POU3F3: variants seen among roughly 807,000 people sequenced by gnomAD.
POU3F3 encodes POU class 3 homeobox 3, also known as POU domain, class 3, transcription factor 3.
In POU3F3, 1 loss-of-function variant was observed where a neutral mutation model predicts 8.6. The observed-to-expected ratio is 0.12, with a 90% CI of 0.04 to 0.55. The LOEUF (loss-of-function observed/expected upper bound fraction) is 0.55, where lower values mean the gene tolerates loss of function less well. Among genes scored for constraint, POU3F3 ranks in the 20% least tolerant of loss-of-function variants. The pLI is 0.91. For missense variants in POU3F3, 577 were observed against 690.7 expected (o/e 0.84, Z 1.84); for synonymous variants, 418 against 327.4 (o/e 1.28, Z -2.99).
At chr2:104,925,758 C>T in the POU3F3 span, among the ~76,000 whole-genome samples, 29 of 152,320 alleles carry the variant, frequency 1.9e-4, no homozygotes, top group African/African-American at 7.0e-4. Context: ...TCTGGCTGAA[C>T]TTTCACTCTG....
the POU3F3 span, among the ~76,000 whole-genome samples, chr2:104,922,407 A>G: frequency 1.3e-5 from 2 of 151,398 alleles, no homozygotes; most frequent in Non-Finnish European, 1.5e-5. Context: ...AAAAAAAAAA[A>G]AAAAAGAAAG....
the POU3F3 span, among the ~76,000 whole-genome samples, chr2:104,889,083 C>A: frequency 2.1e-4 from 32 of 152,326 alleles, no homozygotes; most frequent in South Asian, 1.4e-3. Context: ...GCTGTAATAA[C>A]AATGAGAACC....
chr2:104,907,727 AT>A, the POU3F3 span, among the ~76,000 whole-genome samples: 1 of 152,174 alleles, frequency 6.6e-6, no homozygotes, highest in South Asian at 2.1e-4. Context: ...AGTAATAAAA[AT>A]TTTGCCTCCT....
the POU3F3 span, among the ~76,000 whole-genome samples, chr2:104,922,451 G>A: frequency 1.1e-4 from 16 of 148,650 alleles, no homozygotes; most frequent in South Asian, 6.4e-4. Flanking sequence ...AATGATGTAT[G>A]AGCATGATGA....
chr2:104,867,221 A>T, the POU3F3 span: 9 of 152,124 alleles, frequency 5.9e-5, no homozygotes, highest in Non-Finnish European at 1.3e-4. The surrounding 1 kb of genome is among the most constrained non-coding windows in gnomAD (Gnocchi z 5.0). Context: ...CACGGAGGGG[A>T]GATTGTAACC....
chr2:104,894,770 A>G, the POU3F3 span, among the ~76,000 whole-genome samples: 1 of 152,168 alleles, frequency 6.6e-6, no homozygotes, highest in African/African-American at 2.4e-5. Context: ...CGACCCTACA[A>G]TGTAGACATG....
chr2:104,902,410 G>A, the POU3F3 span, among the ~76,000 whole-genome samples: 612 of 152,190 alleles, frequency 4.0e-3, 6 homozygotes, highest in African/African-American at 0.014. Flanking sequence ...CCCGAGACTC[G>A]GGGGAATCAC....
chr2:104,862,114 A>G (rs1447892479), downstream of POU3F3, among the ~76,000 whole-genome samples: 1 of 152,152 alleles, frequency 6.6e-6, no homozygotes, highest in East Asian at 1.9e-4. Flanking sequence ...TTGATTTCAC[A>G]TCCGTGTTTG....
At chr2:104,890,521 TAAGAG>T in the POU3F3 span, among the ~76,000 whole-genome samples, 1 of 152,008 alleles carries the variant, frequency 6.6e-6, no homozygotes, top group South Asian at 2.1e-4. Context: ...CTGCTTCTGA[TAAGAG>T]AGGGGAAGTG....
chr2:104,894,560 G>A, the POU3F3 span, among the ~76,000 whole-genome samples: 1 of 152,176 alleles, frequency 6.6e-6, no homozygotes, highest in Non-Finnish European at 1.5e-5. Context: ...ACCATGGGGT[G>A]AGGAAAGGGG....
chr2:104,905,235 T>A, the POU3F3 span, among the ~76,000 whole-genome samples: 1 of 152,194 alleles, frequency 6.6e-6, no homozygotes, highest in Admixed American at 6.5e-5. Flanking sequence ...TACTACCTAT[T>A]TTCCTTCTTT....
At chr2:104,909,920 A>G in the POU3F3 span, among the ~76,000 whole-genome samples, 3 of 152,188 alleles carry the variant, frequency 2.0e-5, no homozygotes, top group East Asian at 5.8e-4. Context: ...ATTTTCCCTG[A>G]AAATCTATTT....
chr2:104,862,158 C>A (rs1676666712), downstream of POU3F3, among the ~76,000 whole-genome samples: 1 of 152,198 alleles, frequency 6.6e-6, no homozygotes, highest in African/African-American at 2.4e-5. Context: ...GCGAGCTTGG[C>A]GAGCAGGAGC....
the POU3F3 span, among the ~76,000 whole-genome samples, chr2:104,881,698 ATAATCTTGAT>A: frequency 6.6e-6 from 1 of 152,248 alleles, no homozygotes; most frequent in Non-Finnish European, 1.5e-5. Context: ...ATTCAGGAAA[ATAATCTTGAT>A]TAAAGTTTTA....
the POU3F3 span, among the ~76,000 whole-genome samples, chr2:104,868,890 A>ATG: frequency 1.3e-5 from 2 of 152,200 alleles, no homozygotes; most frequent in Non-Finnish European, 2.9e-5. Flanking sequence ...AAGATTTTCT[A>ATG]TGTGTGTGTG....
chr2:104,918,083 G>T, the POU3F3 span, among the ~76,000 whole-genome samples: 6 of 152,166 alleles, frequency 3.9e-5, no homozygotes, highest in African/African-American at 1.4e-4. Flanking sequence ...TTCTGCTATG[G>T]CTTGTTCCTT....
chr2:104,909,159 T>A, the POU3F3 span, among the ~76,000 whole-genome samples: 2 of 152,216 alleles, frequency 1.3e-5, no homozygotes, highest in African/African-American at 2.4e-5. Flanking sequence ...AACATTGTGT[T>A]CTCACATTTT....
chr2:104,910,952 G>C, the POU3F3 span, among the ~76,000 whole-genome samples: 1 of 152,090 alleles, frequency 6.6e-6, no homozygotes, highest in Non-Finnish European at 1.5e-5. Flanking sequence ...CATTGTATTA[G>C]GTATTACAAG....
the POU3F3 span, among the ~76,000 whole-genome samples, chr2:104,912,623 C>A: frequency 1.8e-4 from 27 of 152,256 alleles, no homozygotes; most frequent in African/African-American, 6.3e-4. Flanking sequence ...TTCTTATTTT[C>A]TCTTATTTTA....
Sources: allele counts gnomAD v4.1 joint callset (sites outside exome capture counted in the v4.1 genomes callset), GRCh38; gene constraint gnomAD v4.1.1; non-coding constraint Gnocchi (gnomAD v3.1); transcripts MANE v1.5; gene names NCBI Gene and HGNC (gene_info 2026-07-23, HGNC 2026-07-21).